The following PSD3 variants were observed in gnomAD, a reference collection of about 807,000 sequenced individuals.
PSD3 encodes pleckstrin and Sec7 domain containing 3, also known as PH and SEC7 domain-containing protein 3.
PSD3 carries 49 observed loss-of-function variants against 105.5 expected under a neutral mutation model. The observed-to-expected ratio is 0.46, with a 90% CI of 0.37 to 0.59. The LOEUF (loss-of-function observed/expected upper bound fraction) is 0.59. Among genes scored for constraint, PSD3 ranks in the 20% least tolerant of loss-of-function variants. The probability of loss-of-function intolerance (pLI) is 0.00; values close to 1 mark genes in which losing one functional copy is unlikely to be tolerated. For synonymous variants in PSD3, 557 were observed against 457.8 expected (o/e 1.22, Z -2.77); for missense variants, 1,561 against 1,263.8 (o/e 1.24, Z -3.57).
chr8:18,629,424 TTTATA>T (rs1563397749), intron 11 of PSD3, among the ~76,000 whole-genome samples: 1 of 152,030 alleles, frequency 6.6e-6, no homozygotes, highest in Non-Finnish European at 1.5e-5. Flanking sequence ...AGGGGCTTTA[TTTATA>T]ACAGTTCAAA....
intron 4 of PSD3, chr8:18,854,325 G>A (rs1022539777): frequency 1.3e-5 from 2 of 152,634 alleles, no homozygotes; most frequent in East Asian, 1.9e-4. Flanking sequence ...AGAAGTTGAA[G>A]GAGGACGTCC....
chr8:19,079,233 T>C (rs564937526), intron 1 of PSD3, among the ~76,000 whole-genome samples: 1 of 152,312 alleles, frequency 6.6e-6, no homozygotes, highest in South Asian at 2.1e-4. Flanking sequence ...AGGCTTTATT[T>C]ATTCAAGTAA....
At chr8:18,618,305 G>A (rs937564691) in intron 11 of PSD3, among the ~76,000 whole-genome samples, 4 of 151,108 alleles carry the variant, frequency 2.6e-5, no homozygotes, top group South Asian at 4.3e-4. Context: ...CTATAACTTT[G>A]GTCTCCCAAA....
intron 1 of PSD3, among the ~76,000 whole-genome samples, chr8:19,012,794 C>T (rs1277424963): frequency 1.3e-5 from 2 of 152,318 alleles, no homozygotes; most frequent in Non-Finnish European, 2.9e-5. Context: ...ACACCAACAC[C>T]TGGACCCACT....
chr8:18,628,054 A>C (rs943864002), intron 11 of PSD3, among the ~76,000 whole-genome samples: 4 of 152,022 alleles, frequency 2.6e-5, no homozygotes, highest in Non-Finnish European at 4.4e-5. Flanking sequence ...GAAGTAAATG[A>C]AGAATAAAAA....
intron 9 of PSD3, among the ~76,000 whole-genome samples, chr8:18,710,442 C>A (rs1399719031): frequency 4.6e-5 from 7 of 152,180 alleles, no homozygotes; most frequent in African/African-American, 1.4e-4. Flanking sequence ...TCCAGGAGAA[C>A]TTCCCCAACC....
chr8:18,919,794 G>T lies in PSD3; in HGVS notation c.130+16240C>A, dbSNP rs531056423. 1.2e-4 allele frequency among the ~76,000 whole-genome samples: 17 copies of T among 138,656 alleles called. No individual in the cohort carries two copies. In the East Asian group the frequency reaches 3.4e-3, roughly 28 times the overall value. The allele number at this position is 138,656 out of a possible 152,430, so 91.0% of individuals were successfully genotyped here. On this transcript the variant is annotated intron_variant, in intron 2 of 15. Transcript: ENST00000327040. ...ATATTCTCACTCATAGATGGGAATTGAACAATGAGATCACATGGACACAGG... is the reference window on the plus strand; with the variant it reads ...ATATTCTCACTCATAGATGGGAATTTAACAATGAGATCACATGGACACAGG...
intron 11 of PSD3, among the ~76,000 whole-genome samples, chr8:18,624,220 T>C (rs1200154088): frequency 6.6e-6 from 1 of 152,112 alleles, no homozygotes; most frequent in Non-Finnish European, 1.5e-5. Context: ...CCACTAATAC[T>C]TTTGCAGGGT....
chr8:18,538,065 G>A (rs1380200925), intron 15 of PSD3, among the ~76,000 whole-genome samples: 1 of 152,214 alleles, frequency 6.6e-6, no homozygotes, highest in African/African-American at 2.4e-5. Flanking sequence ...GAGGAAATAG[G>A]ACAACATGCT....
At chr8:18,594,030 G>A (rs1430312204) in intron 12 of PSD3, among the ~76,000 whole-genome samples, 1 of 141,700 alleles carries the variant, frequency 7.1e-6, no homozygotes, top group Non-Finnish European at 1.5e-5. Flanking sequence ...TGCAAATGAC[G>A]AGTTAATGGG....
At chr8:18,768,601 G>T (rs1013889288) in intron 8 of PSD3, among the ~76,000 whole-genome samples, 1 of 152,090 alleles carries the variant, frequency 6.6e-6, no homozygotes, top group Non-Finnish European at 1.5e-5. Context: ...TCAAGAAGAC[G>T]CACAGGCATC....
intron 10 of PSD3, among the ~76,000 whole-genome samples, chr8:18,649,364 A>T (rs931346583): frequency 3.9e-5 from 6 of 152,200 alleles, no homozygotes; most frequent in African/African-American, 1.4e-4. Context: ...TTAAGATTTA[A>T]TGACTGTCCT....
intron 2 of PSD3, among the ~76,000 whole-genome samples, chr8:18,930,149 C>A (rs1177049329): frequency 6.6e-6 from 1 of 152,106 alleles, no homozygotes; most frequent in Admixed American, 6.5e-5. Context: ...AGGCACCATA[C>A]AGCAAGAACA....
chr8:18,916,020 C>T (rs1171763828), intron 2 of PSD3, among the ~76,000 whole-genome samples: 1 of 151,928 alleles, frequency 6.6e-6, no homozygotes, highest in Non-Finnish European at 1.5e-5. Flanking sequence ...CGCTTGAACC[C>T]AGGAGGCGGA....
At chr8:18,859,592 T>C (rs1816280477) in intron 4 of PSD3, among the ~76,000 whole-genome samples, 1 of 152,250 alleles carries the variant, frequency 6.6e-6, no homozygotes, top group South Asian at 2.1e-4. Flanking sequence ...GCTAGCTTTA[T>C]CAATTATCCC....
Position 18,804,839 on chromosome 8 carries a change from A to C in PSD3, c.1694T>G (p.Ile565Ser). 1 of 1,613,674 alleles carries C rather than the reference A, an allele frequency of 6.2e-7. No homozygotes were observed. The highest frequency in any genetic ancestry group is 8.5e-7 in the Non-Finnish European group (1 of 1,179,606). ...EAHSEMGSTE[I>S]LEKETPENLS... ...ATTTTCTGGGGTCTCCTTTTCCAAA[A>C]TTTCAGTGCTCCCCATTTCAGAATG... The change falls in exon 5 of 16, where the codon ATT (isoleucine) becomes AGT (serine). Residue 565 changes from isoleucine (I) to serine (S), a missense_variant. By Grantham distance (142) the Ile-to-Ser change is moderately radical (BLOSUM62 -2). Transcript: ENST00000327040.
chr8:18,893,714 CCAGGCCCAGGAGCA>C (rs1386973027), intron 2 of PSD3, among the ~76,000 whole-genome samples: 35 of 152,010 alleles, frequency 2.3e-4, no homozygotes, highest in South Asian at 1.7e-3. Flanking sequence ...AACTCCAGGC[CCAGGCCCAGGAGCA>C]GAGCACAGTC....
intron 4 of PSD3, among the ~76,000 whole-genome samples, chr8:18,847,647 C>A (rs1256258765): frequency 6.6e-6 from 1 of 152,104 alleles, no homozygotes; most frequent in Non-Finnish European, 1.5e-5. Flanking sequence ...ATTATTTAAC[C>A]AAATCTAATT....
intron 10 of PSD3, among the ~76,000 whole-genome samples, chr8:18,633,758 T>G (rs921300155): frequency 2.0e-5 from 3 of 152,134 alleles, no homozygotes; most frequent in African/African-American, 7.2e-5. Context: ...ATGATTTGTT[T>G]TCCTTTAGGT....
Sources: allele counts gnomAD v4.1 joint callset (sites outside exome capture counted in the v4.1 genomes callset), GRCh38; gene constraint gnomAD v4.1.1; transcripts MANE v1.5; gene names NCBI Gene and HGNC (gene_info 2026-07-23, HGNC 2026-07-21).